The following NAALADL2 variants were observed in gnomAD, a reference collection of about 807,000 sequenced individuals.
NAALADL2 encodes N-acetylated alpha-linked acidic dipeptidase like 2, also known as inactive N-acetylated-alpha-linked acidic dipeptidase-like protein 2.
NAALADL2 carries 76 observed loss-of-function variants against 87.2 expected under a neutral mutation model. The ratio of observed to expected loss-of-function variants is 0.87; its 90% CI spans 0.72 to 1.05. NAALADL2 has a LOEUF of 1.05. NAALADL2 is among the 50% of genes least tolerant of loss of function. NAALADL2 has a pLI of 0.00. For missense variants in NAALADL2, 1,089 were observed against 945.8 expected (o/e 1.15, Z -1.99); for synonymous variants, 354 against 331.0 (o/e 1.07, Z -0.75).
intron 5 of NAALADL2, among the ~76,000 whole-genome samples, chr3:175,343,374 C>T (rs1177086729): frequency 6.6e-6 from 1 of 152,028 alleles, no homozygotes; most frequent in Non-Finnish European, 1.5e-5. Context: ...TAATGCATTT[C>T]CTTGTTATTT....
intron 5 of NAALADL2, among the ~76,000 whole-genome samples, chr3:175,399,327 T>C (rs901999598): frequency 6.6e-6 from 1 of 152,082 alleles, no homozygotes; most frequent in Admixed American, 6.6e-5. Context: ...CTGAAGCATG[T>C]AGAGGCTAGG....
At chr3:175,141,309 G>C (rs761370017) in intron 2 of NAALADL2, among the ~76,000 whole-genome samples, 16 of 151,958 alleles carry the variant, frequency 1.1e-4, no homozygotes, top group Non-Finnish European at 2.2e-4. Flanking sequence ...GTTCCCAACA[G>C]GTCAAGTTTA....
chr3:174,867,749 G>C (rs1402172620), intron 1 of NAALADL2, among the ~76,000 whole-genome samples: 1 of 151,950 alleles, frequency 6.6e-6, no homozygotes, highest in Non-Finnish European at 1.5e-5. Flanking sequence ...TTAAATAAAA[G>C]AACCATTGGC....
At chr3:175,424,603 C>T (rs914775223) in intron 5 of NAALADL2, among the ~76,000 whole-genome samples, 1 of 152,022 alleles carries the variant, frequency 6.6e-6, no homozygotes, top group African/African-American at 2.4e-5. Flanking sequence ...TTTCTGAGGG[C>T]TCTGTTCTGT....
intron 5 of NAALADL2, among the ~76,000 whole-genome samples, chr3:175,423,824 C>T (rs1248851060): frequency 6.6e-6 from 1 of 152,128 alleles, no homozygotes; most frequent in Non-Finnish European, 1.5e-5. Flanking sequence ...AGTTCTAGAT[C>T]CCTGAGGAAT....
chr3:175,087,911 TAA>T (rs776102478), intron 1 of NAALADL2, among the ~76,000 whole-genome samples: 5 of 134,394 alleles, frequency 3.7e-5, no homozygotes, highest in Admixed American at 1.5e-4. Context: ...CAATAAATAC[TAA>T]AAAAAAAAAA....
At chr3:174,743,198 C>G (rs1355105193) in intron 3 of NAALADL2, among the ~76,000 whole-genome samples, 1 of 151,758 alleles carries the variant, frequency 6.6e-6, no homozygotes, top group East Asian at 1.9e-4. Context: ...CCCGATCTGT[C>G]TATCCACTTT....
chr3:175,467,747 C>T (rs1724299280), intron 8 of NAALADL2, among the ~76,000 whole-genome samples: 3 of 152,088 alleles, frequency 2.0e-5, no homozygotes, highest in Admixed American at 6.6e-5. Flanking sequence ...TACCTAACCA[C>T]CTTAGGGAAC....
intron 4 of NAALADL2, among the ~76,000 whole-genome samples, chr3:175,296,210 G>A (rs2110183562): frequency 6.7e-6 from 1 of 148,750 alleles, no homozygotes; most frequent in Non-Finnish European, 1.5e-5. Context: ...TTGCCATAAT[G>A]ACTAGGAGGT....
At position 174,997,058 on chromosome 3, in the gene NAALADL2, A is replaced by ATAT. The variant is rs1380601011; in HGVS notation, c.44-99731_44-99730insATT. Among the ~76,000 whole-genome samples, 413 of 125,974 alleles carry ATAT rather than the reference A, an allele frequency of 3.3e-3. 4 individuals carry two copies. Among genetic ancestry groups the ATAT allele is most frequent in the African/African-American group, 0.012 (391 of 31,544 alleles). 82.6% of individuals were successfully genotyped at this position (125,974 alleles called of 152,430 possible). A position where few individuals can be genotyped will look rare whatever the true frequency, so the allele number is the denominator to read the frequency against. ...TGTGTGTATGTGTATATATATATAT[A>ATAT]TTTTTTTTTTTAATCCACTCGTTGG... On this transcript the variant is annotated intron_variant, in intron 1 of 13. Transcript: ENST00000454872.
At chr3:175,183,124 T>C (rs1446170682) in intron 2 of NAALADL2, among the ~76,000 whole-genome samples, 1 of 152,060 alleles carries the variant, frequency 6.6e-6, no homozygotes, top group Non-Finnish European at 1.5e-5. Context: ...TGTGGATTGC[T>C]TTGGGTATTA....
intron 1 of NAALADL2, among the ~76,000 whole-genome samples, chr3:174,453,347 T>C (rs1715608876): frequency 6.6e-6 from 1 of 152,168 alleles, no homozygotes; most frequent in African/African-American, 2.4e-5. Flanking sequence ...TGGAAGCAAC[T>C]TGGAAATCAC....
chr3:175,487,612 C>T (rs1172188157), intron 9 of NAALADL2: 3 of 445,644 alleles, frequency 6.7e-6, no homozygotes, highest in African/African-American at 4.1e-5. Flanking sequence ...TTCTAACACA[C>T]ATAATAACCT....
chr3:175,147,903 C>T (rs950153576), intron 2 of NAALADL2, among the ~76,000 whole-genome samples: 2 of 151,788 alleles, frequency 1.3e-5, no homozygotes. Flanking sequence ...AACCTCGTCT[C>T]TTCTAAAAAT....
chr3:175,402,816 C>T (rs1711564279), intron 5 of NAALADL2, among the ~76,000 whole-genome samples: 1 of 152,028 alleles, frequency 6.6e-6, no homozygotes, highest in Non-Finnish European at 1.5e-5. Flanking sequence ...ACCACAACAG[C>T]CTATGCATTC....
chr3:175,348,280 A>T (rs1273213533), intron 5 of NAALADL2, among the ~76,000 whole-genome samples: 1 of 151,978 alleles, frequency 6.6e-6, no homozygotes, highest in Non-Finnish European at 1.5e-5. Flanking sequence ...TGAACTCCCA[A>T]CCTCAGGTGA....
intron 4 of NAALADL2, among the ~76,000 whole-genome samples, chr3:175,323,636 G>A (rs1264853543): frequency 6.6e-6 from 1 of 150,508 alleles, no homozygotes; most frequent in Admixed American, 6.6e-5. Flanking sequence ...TAGCAATGCT[G>A]GTAGAGATAG....
intron 1 of NAALADL2, among the ~76,000 whole-genome samples, chr3:174,891,243 TCTAAGGTGGCAAAACAGAAAGCTCCACCA>T (rs2062369926): frequency 6.6e-6 from 1 of 152,026 alleles, no homozygotes; most frequent in Non-Finnish European, 1.5e-5. Flanking sequence ...TAGAATACAC[TCTAAGGTGGCAAAACAGAAAGCTCCACCA>T]ATCATCATCC....
intron 2 of NAALADL2, among the ~76,000 whole-genome samples, chr3:174,650,054 A>G (rs1204315860): frequency 6.6e-6 from 1 of 150,498 alleles, no homozygotes; most frequent in African/African-American, 2.5e-5. Context: ...TAAGATAATA[A>G]TAGCTATGAT....
Sources: gnomAD v4.1 joint callset for allele counts (sites outside exome capture counted in the v4.1 genomes callset) on GRCh38, gnomAD v4.1.1 for gene constraint, MANE v1.5 for transcripts, NCBI Gene and HGNC (gene_info 2026-07-23, HGNC 2026-07-21) for gene names.